LIMA1: variants seen among roughly 807,000 people sequenced by gnomAD.
The protein encoded by LIMA1 is LIM domain and actin-binding protein 1.
Under a neutral mutation model 62.6 loss-of-function variants are expected in LIMA1, and 52 were observed. The observed-to-expected ratio is 0.83, with a 90% CI of 0.67 to 1.05. The LOEUF (loss-of-function observed/expected upper bound fraction) is 1.05. Ranked by LOEUF, LIMA1 falls within the 50% of genes least tolerant of loss-of-function variation. The pLI is 0.00. For synonymous variants in LIMA1, 302 were observed against 317.8 expected (o/e 0.95, Z 0.53); for missense variants, 780 against 902.2 (o/e 0.86, Z 1.74).
rs370871793 is a variant in LIMA1 at position 50,201,400 on chromosome 12, T to C, written c.865-516A>G. 1.4e-5 allele frequency: 14 copies of C among 982,578 alleles called. No individual in the cohort carries two copies. In the East Asian group the frequency reaches 4.5e-4, roughly 32 times the overall value. The allele number at this position is 982,578 out of a possible 1,614,324, so 60.9% of individuals were successfully genotyped here. ...TTAATGATACCATAAAGAAACCTTT[T>C]TGGTGGGACTTTCAAAAAGCATGTT... is the stretch of plus-strand genomic sequence containing the variant. On this transcript the variant is annotated intron_variant, in intron 6 of 10. Coordinates refer to ENST00000341247, the MANE Select transcript of LIMA1 (RefSeq NM_016357.5).
At chr12:50,281,466 T>C (rs986645298) in intron 1 of LIMA1, among the ~76,000 whole-genome samples, 9 of 152,198 alleles carry the variant, frequency 5.9e-5, no homozygotes, top group Non-Finnish European at 1.2e-4. Context: ...TAGCCCCACC[T>C]TTAACCAGAG....
At chr12:50,210,418 C>CAAAAAAAAAAAAA (rs769288381) in intron 4 of LIMA1, among the ~76,000 whole-genome samples, 79 of 90,176 alleles carry the variant, frequency 8.8e-4, no homozygotes, top group Non-Finnish European at 1.1e-3. Flanking sequence ...ACCCCATTTC[C>CAAAAAAAAAAAAA]AAAAAAAAAA....
At chr12:50,269,641 CG>C (rs1367265469) in intron 1 of LIMA1, among the ~76,000 whole-genome samples, 1 of 151,918 alleles carries the variant, frequency 6.6e-6, no homozygotes, top group Non-Finnish European at 1.5e-5. Flanking sequence ...ATTTTAGGAG[CG>C]GGCGCAGTGG....
intron 9 of LIMA1, among the ~76,000 whole-genome samples, chr12:50,192,158 TAATA>T (rs1255129679): frequency 1.3e-5 from 2 of 149,216 alleles, no homozygotes; most frequent in Non-Finnish European, 3.0e-5. Flanking sequence ...AAGATAATAA[TAATA>T]AATAAACAAA....
intron 1 of LIMA1, among the ~76,000 whole-genome samples, chr12:50,263,834 GTATATATATATATATATAGAGAGTATA>G (rs1213322242): frequency 8.6e-6 from 1 of 116,284 alleles, no homozygotes; most frequent in Non-Finnish European, 1.7e-5. Flanking sequence ...TATAGAGAGA[GTATATATATATATATATAGAGAGTATA>G]TATATATATA....
At chr12:50,249,012 C>A (rs1014441701) in intron 1 of LIMA1, among the ~76,000 whole-genome samples, 1 of 152,238 alleles carries the variant, frequency 6.6e-6, no homozygotes, top group African/African-American at 2.4e-5. Context: ...ACTGACCCCA[C>A]TGTGCAAACA....
intron 5 of LIMA1, 104 bp from the exon 6 acceptor site, chr12:50,204,804 C>T (rs1210633416): frequency 5.0e-5 from 56 of 1,117,958 alleles, no homozygotes; most frequent in Non-Finnish European, 6.2e-5. Context: ...ACTACAGCCT[C>T]GAACTCCTGA....
intron 3 of LIMA1, among the ~76,000 whole-genome samples, chr12:50,226,837 G>GAAA (rs1465263704): frequency 9.0e-6 from 1 of 110,600 alleles, no homozygotes; most frequent in African/African-American, 3.3e-5. Flanking sequence ...GATTCCATAT[G>GAAA]AAAAAAAAAA....
chr12:50,185,186 T>C (rs1940602454), intron 9 of LIMA1, among the ~76,000 whole-genome samples: 3 of 152,220 alleles, frequency 2.0e-5, no homozygotes, highest in African/African-American at 7.2e-5. Flanking sequence ...GTGCTCATTC[T>C]GGTCAGTAAA....
chr12:50,218,910 C>CA (rs1941396816), intron 4 of LIMA1, among the ~76,000 whole-genome samples: 2 of 64,904 alleles, frequency 3.1e-5, no homozygotes, highest in African/African-American at 1.2e-4. Context: ...AAAAAAAAAA[C>CA]AAAAACAAAA....
intron 4 of LIMA1, among the ~76,000 whole-genome samples, chr12:50,219,134 A>T (rs1391264243): frequency 6.6e-6 from 1 of 152,136 alleles, no homozygotes; most frequent in Non-Finnish European, 1.5e-5. Context: ...TGGCTGTGAG[A>T]CTATACAGGT....
chr12:50,180,315 A>AG (rs1940468366), intron 10 of LIMA1, among the ~76,000 whole-genome samples: 1 of 151,528 alleles, frequency 6.6e-6, no homozygotes, highest in Non-Finnish European at 1.5e-5. Context: ...AAAAAAAAAA[A>AG]AAGAAAGAAA....
chr12:50,203,640 T>C (rs972599633), intron 6 of LIMA1, among the ~76,000 whole-genome samples: 2 of 152,152 alleles, frequency 1.3e-5, no homozygotes, highest in Admixed American at 1.3e-4. Flanking sequence ...CTTGAACTCC[T>C]GACCTCAGGC....
chr12:50,216,040 CAAA>C (rs5798134), intron 4 of LIMA1, among the ~76,000 whole-genome samples: 7 of 143,294 alleles, frequency 4.9e-5, no homozygotes, highest in African/African-American at 5.1e-5. Context: ...GAGGCTGTCT[CAAA>C]AAAAAAAAAA....
At chr12:50,281,044 G>A (rs1942334271) in intron 1 of LIMA1, among the ~76,000 whole-genome samples, 1 of 152,144 alleles carries the variant, frequency 6.6e-6, no homozygotes, top group African/African-American at 2.4e-5. Context: ...AATTAAGAAT[G>A]CCTGAAACTA....
At position 50,263,857 on chromosome 12, in the gene LIMA1, GTATA is replaced by G. The variant is rs67882718; in HGVS notation, c.-23-15087_-23-15084del. On this transcript the variant is annotated intron_variant, in intron 1 of 10. Transcript: ENST00000341247. Reference sequence around the variant, plus strand: ...GAGTATATATATATATATATAGAGAGTATATATATATATATATATAAAGTATATA... The same window carrying G: ...GAGTATATATATATATATATAGAGAGTATATATATATATATAAAGTATATA... Among the ~76,000 whole-genome samples the G allele has an allele frequency of 5.2e-3, 655 of 125,656 alleles. 2 individuals are homozygous for G. Among genetic ancestry groups the G allele is most frequent in the African/African-American group, 0.012 (380 of 31,916 alleles). The allele number at this position is 125,656 out of a possible 152,430, so 82.4% of individuals were successfully genotyped here. A position where few individuals can be genotyped will look rare whatever the true frequency, so the allele number is the denominator to read the frequency against.
chr12:50,198,780 T>C (rs1006128127), intron 7 of LIMA1, among the ~76,000 whole-genome samples: 1 of 152,178 alleles, frequency 6.6e-6, no homozygotes, highest in Non-Finnish European at 1.5e-5. Flanking sequence ...ACTAAAAGAA[T>C]TGGACAATGG....
At position 50,200,842 on chromosome 12, in the gene LIMA1, T is replaced by A; in HGVS notation, c.907A>T (p.Met303Leu). 3.1e-6 allele frequency: 5 copies of A among 1,614,168 alleles called. No homozygotes were observed. The highest frequency in any genetic ancestry group is 3.4e-6 in the Non-Finnish European group (4 of 1,180,026). Residue 303 changes from methionine to leucine, a missense_variant, in exon 7 of 11, where the codon ATG becomes TTG. Transcript: ENST00000341247. ...ASGGEIKIHK[M>L]EQKENVPPGP... ...GGGGGCACATTCTCCTTTTGCTCCA[T>A]TTTATGAATTTTGATTTCGCCACCA... is the stretch of plus-strand genomic sequence containing the variant.
chr12:50,261,177 C>T (rs918366219), intron 1 of LIMA1, among the ~76,000 whole-genome samples: 3 of 148,420 alleles, frequency 2.0e-5, no homozygotes, highest in South Asian at 2.2e-4. Flanking sequence ...CTTAGCCTCC[C>T]GAGTAGCTGG....
Sources: gnomAD v4.1 joint callset for allele counts (sites outside exome capture counted in the v4.1 genomes callset) on GRCh38, gnomAD v4.1.1 for gene constraint, MANE v1.5 for transcripts, NCBI Gene and HGNC (gene_info 2026-07-23, HGNC 2026-07-21) for gene names.